CDH16: variants seen among roughly 807,000 people sequenced by gnomAD.
CDH16 encodes the protein cadherin-16.
CDH16 carries 79 observed loss-of-function variants against 87.6 expected under a neutral mutation model. The observed-to-expected ratio is 0.90, with a 90% CI of 0.75 to 1.09. The LOEUF (loss-of-function observed/expected upper bound fraction) is 1.09. Ranked by LOEUF, CDH16 falls within the 50% of genes least tolerant of loss-of-function variation. The probability of loss-of-function intolerance (pLI) is 0.00; values close to 1 mark genes in which losing one functional copy is unlikely to be tolerated. For synonymous variants in CDH16, 457 were observed against 439.5 expected (o/e 1.04, Z -0.50); for missense variants, 1,124 against 1,071.7 (o/e 1.05, Z -0.68).
Position 66,908,462 on chromosome 16 carries a change from T to G in CDH16, c.2420A>C (p.His807Pro). 1 of 1,613,842 alleles carries G rather than the reference T, an allele frequency of 6.2e-7. No individual in the cohort carries two copies. The highest frequency in any genetic ancestry group is 8.5e-7 in the Non-Finnish European group (1 of 1,179,890). The change falls in exon 18 of 18, where the codon CAC (histidine) becomes CCC (proline). Residue 807 changes from histidine to proline, a missense_variant. Transcript: ENST00000299752. ...IGIFLILIFTHWTMSRKKDPD... is the reference protein window; with the variant it reads ...IGIFLILIFTPWTMSRKKDPD... ...GTCCTTCTTCCTTGACATGGTCCAG[T>G]GGGTGAAAATGAGGATGAGGAAGAT...
chr16:66,912,000 C>G lies in CDH16; in HGVS notation c.1689G>C (p.Lys563Asn), dbSNP rs1484278555. 6.2e-7 allele frequency: 1 copy of G among 1,614,144 alleles called. No homozygotes were observed. The highest frequency in any genetic ancestry group is 8.5e-7 in the Non-Finnish European group (1 of 1,180,002). ...TGGCCTCGTAGCTCTCCTGGTCCAACTTGGGGGGTGGCATCACTCTCTCCA... is the reference window on the plus strand; with the variant it reads ...TGGCCTCGTAGCTCTCCTGGTCCAAGTTGGGGGGTGGCATCACTCTCTCCA... Reference protein sequence around the residue: ...VLVERVMPPPKLDQESYEASV... With the variant: ...VLVERVMPPPNLDQESYEASV... Residue 563 changes from lysine to asparagine, a missense_variant, in exon 13 of 18, where the codon AAG (lysine) becomes AAC (asparagine). By Grantham distance (94) the Lys-to-Asn change is moderately conservative (BLOSUM62 0). Coordinates refer to ENST00000299752, the MANE Select transcript of CDH16 (RefSeq NM_004062.4).
rs748947292 is a variant in CDH16 at position 66,912,038 on chromosome 16, C to A, written c.1651G>T (p.Val551Leu). The change falls in exon 13 of 18, where the codon GTG becomes TTG. Residue 551 changes from valine to leucine, a missense_variant. Transcript: ENST00000299752. ...PGPGPGATATVTVLVERVMPP... is the reference protein window; with the variant it reads ...PGPGPGATATLTVLVERVMPP... ...ATCACTCTCTCCACTAGCACAGTCA[C>A]CGTGGCGGTGGCTCCAGGGCCTGGG... 1.1e-5 allele frequency: 18 copies of A among 1,614,138 alleles called. No homozygotes were observed. Among genetic ancestry groups the A allele is most frequent in the Middle Eastern group, 1.6e-4 (1 of 6,062 alleles).
In CDH16 at chr16:66,912,297, G is replaced by T. The variant is rs374963598; in HGVS notation, c.1493C>A (p.Thr498Asn). The change falls in exon 12 of 18, where the codon ACT (threonine) becomes AAT (asparagine). Residue 498 changes from threonine (T) to asparagine (N), a missense_variant. Transcript: ENST00000299752. ...FAIERGDTEG[T>N]FGLDWEPDSG... is the part of the protein sequence containing the mutation. ...GTCTGGCTCCCAATCCAGGCCAAAAGTCCCTTCTGTGTCTCCCCTCTCAAT... is the reference window on the plus strand; with the variant it reads ...GTCTGGCTCCCAATCCAGGCCAAAATTCCCTTCTGTGTCTCCCCTCTCAAT... 3 of 1,613,986 alleles carry T rather than the reference G, an allele frequency of 1.9e-6. No individual in the cohort carries two copies. The highest frequency in any genetic ancestry group is 2.7e-5 in the African/African-American group (2 of 74,938).
rs1379908555 is a variant in CDH16, at chr16:66,916,004, C to T, written c.424+61G>A. 1 of 1,602,636 alleles carries T rather than the reference C, an allele frequency of 6.2e-7. No homozygotes were observed. The highest frequency in any genetic ancestry group is 2.2e-5 in the East Asian group (1 of 44,700). ...CCAACTGTCTGGCCATCTCTTCGCT[C>T]TCTGCTGTTCCATCAAGGCCCACCT... On this transcript the variant is annotated intron_variant, in intron 5 of 17. Coordinates refer to ENST00000299752, the MANE Select transcript of CDH16 (RefSeq NM_004062.4). This position sits in a 1 kb window ranked among gnomAD's most constrained non-coding sequence, Gnocchi z 4.1.
chr16:66,909,352 C>G lies in CDH16; in HGVS notation c.2307G>C (p.Gln769His). 1 of 1,590,582 alleles carries G rather than the reference C, an allele frequency of 6.3e-7. No homozygotes were observed. Among genetic ancestry groups the G allele is most frequent in the Non-Finnish European group, 8.6e-7 (1 of 1,165,972 alleles). The part of the protein sequence containing the change: ...VIVCRCNVEG[Q>H]CMRKVGRMKG... Reference sequence around the variant, plus strand: ...TCATGCGGCCCACCTTGCGCATGCACTGCCCCTCCACGTTGCAGCGACACA... The same window carrying G: ...TCATGCGGCCCACCTTGCGCATGCAGTGCCCCTCCACGTTGCAGCGACACA... Residue 769 changes from glutamine (Q) to histidine (H), a missense_variant, in exon 17 of 18, where the codon CAG becomes CAC. Physicochemically the swap from Gln to His is conservative, Grantham distance 24 (BLOSUM62 0). Coordinates refer to ENST00000299752, the MANE Select transcript of CDH16 (RefSeq NM_004062.4). The surrounding 1 kb of genome is among the most constrained non-coding windows in gnomAD (Gnocchi z 4.1).
chr16:66,908,570 C>T (rs1962262848), intron 17 of CDH16, 81 bp from the exon 18 acceptor site: 1 of 1,100,262 alleles, frequency 9.1e-7, no homozygotes, highest in Non-Finnish European at 1.4e-6. Flanking sequence ...CTGTGATTGG[C>T]ATTGGATTAA....
intron 13 of CDH16, 87 bp from the exon 14 acceptor site, chr16:66,911,402 A>G: frequency 2.2e-6 from 3 of 1,358,694 alleles, no homozygotes; most frequent in Non-Finnish European, 3.0e-6. Flanking sequence ...GACTTGCTTA[A>G]ATTCCACACC....
intron 14 of CDH16, 54 bp downstream of exon 14, chr16:66,911,128 T>C (rs1177633079): frequency 1.3e-6 from 2 of 1,545,842 alleles, no homozygotes; most frequent in Non-Finnish European, 1.8e-6. Flanking sequence ...CTGCTGTCTG[T>C]CTGTCTGAGG....
At chr16:66,917,930 G>C in intron 2 of CDH16, 91 bp downstream of exon 2, 1 of 1,200,566 alleles carries the variant, frequency 8.3e-7, no homozygotes, top group Non-Finnish European at 1.2e-6. Context: ...CCGTTCTCAC[G>C]GTCAGTGCAA....
chr16:66,910,688 T>C (rs1426585355), intron 14 of CDH16, 186 bp from the exon 15 acceptor site: 5 of 619,322 alleles, frequency 8.1e-6, no homozygotes, highest in South Asian at 4.3e-5. Flanking sequence ...TTGGCGGAGC[T>C]CACTGCTGCT....
chr16:66,915,325 T>G lies in CDH16; in HGVS notation c.478A>C (p.Asn160His), dbSNP rs143299065. The change falls in exon 6 of 18, where the codon AAC (asparagine) becomes CAC (histidine). Residue 160 changes from asparagine to histidine, a missense_variant. Physicochemically the swap from Asn to His is moderately conservative, Grantham distance 68. Transcript: ENST00000299752. ...AGGATGTGGAATCGAAGATCCGAGT[T>G]GGCTGTGCCTGGCTCATCCCGGTCT... is the stretch of plus-strand genomic sequence containing the variant. ...ASDRDEPGTA[N>H]SDLRFHILSQ... The G allele has an allele frequency of 5.0e-4, 810 of 1,613,414 alleles. No individual in the cohort carries two copies. Among genetic ancestry groups the G allele is most frequent in the Admixed American group, 2.2e-3 (129 of 59,960 alleles).
Position 66,909,337 on chromosome 16 carries a change from C to T in CDH16, c.2322G>A (p.Val774=), listed in dbSNP as rs1286735790. 8 of 1,613,462 alleles carry T rather than the reference C, an allele frequency of 5.0e-6. No individual in the cohort carries two copies. Among genetic ancestry groups the T allele is most frequent in the African/African-American group, 1.3e-5 (1 of 74,900 alleles). Residue 774 remains valine, a synonymous_variant, in exon 17 of 18, where the codon GTG becomes GTA. Coordinates refer to ENST00000299752, the MANE Select transcript of CDH16 (RefSeq NM_004062.4). This position sits in a 1 kb window ranked among gnomAD's most constrained non-coding sequence, Gnocchi z 4.1. The part of the protein sequence containing the change: ...CNVEGQCMRK[V]GRMKGMPTKL... ...TCGTGGGCATGCCCTTCATGCGGCC[C>T]ACCTTGCGCATGCACTGCCCCTCCA... is the stretch of plus-strand genomic sequence containing the variant.
intron 3 of CDH16, 146 bp downstream of exon 3, chr16:66,917,496 G>A (rs1266890815): frequency 1.7e-5 from 11 of 653,802 alleles, no homozygotes; most frequent in Non-Finnish European, 3.1e-5. Context: ...TTCAGATAGG[G>A]GACACTCAAC....
rs777994740 is a variant in CDH16, at chr16:66,913,126, C to T, written c.1054+5G>A. ...ACTTCGTCCCTCTCCCATCCTGTAG[C>T]TCACCTGGTGGACTGAGCTCAGGGA... On this transcript the variant is annotated splice_donor_5th_base_variant and intron_variant, in intron 9 of 17. Coordinates refer to ENST00000299752, the MANE Select transcript of CDH16 (RefSeq NM_004062.4). 5.0e-6 allele frequency: 8 copies of T among 1,604,412 alleles called. No individual in the cohort carries two copies. Among genetic ancestry groups the T allele is most frequent in the South Asian group, 4.5e-5 (4 of 89,662 alleles).
In CDH16 at chr16:66,917,686, C is replaced by A. The variant is rs143000205; in HGVS notation, c.85G>T (p.Val29Phe). The change falls in exon 3 of 18, where the codon GTT (valine) becomes TTT (phenylalanine). Residue 29 changes from valine to phenylalanine, a missense_variant. By Grantham distance (50) the Val-to-Phe change is conservative. Coordinates refer to ENST00000299752, the MANE Select transcript of CDH16 (RefSeq NM_004062.4). ...AAATTTCCACCATAGTTTTCTGGAA[C>A]TTCCACAGACAGCTCTGCAGGCTGG... ...KAQPAELSVEVPENYGGNFPL... is the reference protein window; with the variant it reads ...KAQPAELSVEFPENYGGNFPL... 338 of 1,613,364 alleles carry A rather than the reference C, an allele frequency of 2.1e-4. 2 individuals are homozygous for A. Among genetic ancestry groups the A allele is most frequent in the Non-Finnish European group, 2.7e-4 (322 of 1,179,776 alleles).
chr16:66,916,437 A>T lies in CDH16; in HGVS notation c.130-8T>A, dbSNP rs1425264148. On this transcript the variant is annotated splice_polypyrimidine_tract_variant and splice_region_variant and intron_variant, in intron 3 of 17. Transcript: ENST00000299752. The surrounding 1 kb of genome is among the most constrained non-coding windows in gnomAD (Gnocchi z 4.1). Reference sequence around the variant, plus strand: ...CTCACGGGGCAGCGGCAACTGATGGAAATGAACAGAAGTGAAGGGAGCGGT... The same window carrying T: ...CTCACGGGGCAGCGGCAACTGATGGTAATGAACAGAAGTGAAGGGAGCGGT... The T allele has an allele frequency of 6.3e-7, 1 of 1,591,032 alleles. No individual in the cohort carries two copies. Among genetic ancestry groups the T allele is most frequent in the East Asian group, 2.2e-5 (1 of 44,572 alleles).
At chr16:66,911,751 C>A (rs1013038070) in intron 13 of CDH16, 148 bp downstream of exon 13, 1 of 1,011,910 alleles carries the variant, frequency 9.9e-7, no homozygotes, top group Non-Finnish European at 1.4e-6. Flanking sequence ...CAGCCCCGAT[C>A]CCTGCCAGGA....
chr16:66,917,903 C>A (rs1178130586), intron 2 of CDH16, 118 bp downstream of exon 2: 1 of 1,052,102 alleles, frequency 9.5e-7, no homozygotes, highest in Non-Finnish European at 1.4e-6. Context: ...CAGCTCTGAC[C>A]CCTCCCATGC....
At chr16:66,915,953 G>A in intron 5 of CDH16, 112 bp downstream of exon 5, 1 of 1,180,696 alleles carries the variant, frequency 8.5e-7, no homozygotes, top group Non-Finnish European at 1.2e-6. Flanking sequence ...AAAGAAATGG[G>A]ACAGAAATGG....
Sources: allele counts gnomAD v4.1 joint callset, GRCh38; gene constraint gnomAD v4.1.1; non-coding constraint Gnocchi (gnomAD v3.1); transcripts MANE v1.5; gene names NCBI Gene and HGNC (gene_info 2026-07-23, HGNC 2026-07-21).